C12orf42: variants seen among roughly 807,000 people sequenced by gnomAD.
C12orf42 encodes chromosome 12 open reading frame 42.
Under a neutral mutation model 21.6 loss-of-function variants are expected in C12orf42, and 25 were observed. That is an observed-to-expected ratio of 1.16 (90% confidence interval 0.84 to 1.62). The LOEUF is 1.62. C12orf42 is among the 40% of genes most tolerant of loss of function. C12orf42 has a pLI of 0.00. For synonymous variants in C12orf42, 174 were observed against 175.0 expected (o/e 0.99, Z 0.05); for missense variants, 483 against 459.3 (o/e 1.05, Z -0.47).
chr12:103,284,502 G>A (rs2136326171), intron 4 of C12orf42, among the ~76,000 whole-genome samples: 1 of 152,282 alleles, frequency 6.6e-6, no homozygotes, highest in Admixed American at 6.5e-5. Context: ...TCATCAGAGA[G>A]TCACTAGGGC....
the C12orf42 span, among the ~76,000 whole-genome samples, chr12:103,204,097 G>A: frequency 1.2e-4 from 18 of 152,170 alleles, no homozygotes; most frequent in African/African-American, 3.4e-4. Context: ...TTAAATTTGC[G>A]CCTACATTCT....
the C12orf42 span, among the ~76,000 whole-genome samples, chr12:103,506,547 C>G: frequency 1.3e-5 from 2 of 151,278 alleles, no homozygotes; most frequent in African/African-American, 4.9e-5. Flanking sequence ...GTTACAATTG[C>G]CTATAGTATT....
the C12orf42 span, among the ~76,000 whole-genome samples, chr12:103,064,537 T>C: frequency 6.6e-6 from 1 of 152,230 alleles, no homozygotes; most frequent in South Asian, 2.1e-4. Flanking sequence ...GACAAAAGAC[T>C]AATTTGAATT....
chr12:103,262,313 T>C (rs1474579965), intron 10 of C12orf42: 1 of 152,224 alleles, frequency 6.6e-6, no homozygotes, highest in Admixed American at 6.5e-5. Context: ...TAAATTATGA[T>C]ACACCTCTAT....
At chr12:103,433,557 G>C (rs1296492923) in intron 2 of C12orf42, among the ~76,000 whole-genome samples, 1 of 152,186 alleles carries the variant, frequency 6.6e-6, no homozygotes, top group African/African-American at 2.4e-5. Flanking sequence ...CTACCCATTT[G>C]TAAAATGACA....
chr12:103,281,968 C>T (rs1017351742), intron 4 of C12orf42, among the ~76,000 whole-genome samples: 4 of 121,306 alleles, frequency 3.3e-5, no homozygotes, highest in Non-Finnish European at 7.2e-5. Context: ...AGAAAGAGAT[C>T]GATCCTAAAA....
intron 2 of C12orf42, among the ~76,000 whole-genome samples, chr12:103,423,284 G>T (rs1435495866): frequency 6.6e-6 from 1 of 152,182 alleles, no homozygotes. Flanking sequence ...GGTCTGGCCT[G>T]CCTGAATGCT....
At position 103,491,513 on chromosome 12, in the gene C12orf42, A is replaced by T. The variant is rs910344198; in HGVS notation, c.-22+4389T>A. ...GCCTTATATCTAATGGACCAAATTT[A>T]GCAGGAATTAGGTAATAAGGTTCCA... On this transcript the variant is annotated intron_variant, in intron 1 of 5. Transcript: ENST00000548883. Among the ~76,000 whole-genome samples the T allele has an allele frequency of 3.9e-5, 6 of 152,206 alleles. No homozygotes were observed. The East Asian group carries it at 1.2e-3, about 29-fold the overall frequency.
intron 10 of C12orf42, among the ~76,000 whole-genome samples, chr12:103,256,762 G>A (rs1334809299): frequency 6.6e-6 from 1 of 151,968 alleles, no homozygotes; most frequent in Non-Finnish European, 1.5e-5. Context: ...AACAAGTTGG[G>A]GAAAACAGAG....
In C12orf42 at chr12:103,302,386, A is replaced by G. The variant is rs2037771762; in HGVS notation, c.805T>C (p.Ser269Pro). The G allele has an allele frequency of 1.2e-6, 2 of 1,613,870 alleles. No individual in the cohort carries two copies. ...GCGCCTTTTCCGACGGGATTTCCGG[A>G]CGCGCCCAGGAGTCTGCTTTGGATG... ...DDIQSRLLGA[S>P]GNPVGKGAVA... The change falls in exon 6 of 6, where the codon TCC (serine) becomes CCC (proline). Residue 269 changes from serine (S) to proline (P), a missense_variant. Ser to Pro is a moderately conservative substitution (Grantham distance 74). Transcript: ENST00000548883.
At chr12:103,463,385 T>G (rs1034503134) in intron 2 of C12orf42, among the ~76,000 whole-genome samples, 1 of 152,190 alleles carries the variant, frequency 6.6e-6, no homozygotes, top group African/African-American at 2.4e-5. Context: ...TGGGGTAGAA[T>G]AGAGTAGACT....
the C12orf42 span, among the ~76,000 whole-genome samples, chr12:103,104,713 G>A: frequency 1.5e-4 from 23 of 152,312 alleles, no homozygotes; most frequent in Admixed American, 3.9e-4. Flanking sequence ...CATTACAGGC[G>A]TGAGCCACCG....
At chr12:103,121,662 A>G in the C12orf42 span, among the ~76,000 whole-genome samples, 1 of 152,224 alleles carries the variant, frequency 6.6e-6, no homozygotes, top group Non-Finnish European at 1.5e-5. Flanking sequence ...TCCTCCACTC[A>G]TTCACTTTCA....
chr12:103,354,436 G>A (rs2043351781), intron 4 of C12orf42, among the ~76,000 whole-genome samples: 1 of 152,078 alleles, frequency 6.6e-6, no homozygotes, highest in Non-Finnish European at 1.5e-5. Context: ...CAGAAGCTGG[G>A]AGACCTCCAA....
chr12:103,499,982 C>G (rs892910638), upstream of C12orf42, among the ~76,000 whole-genome samples: 1 of 152,294 alleles, frequency 6.6e-6, no homozygotes, highest in African/African-American at 2.4e-5. Flanking sequence ...AAAACAGAAT[C>G]CTTAATATAC....
At chr12:103,080,382 C>T in the C12orf42 span, among the ~76,000 whole-genome samples, 1 of 152,192 alleles carries the variant, frequency 6.6e-6, no homozygotes, top group Admixed American at 6.5e-5. Context: ...TCCCCAACAT[C>T]TTTTCAACTA....
chr12:103,225,238 G>A, the C12orf42 span, among the ~76,000 whole-genome samples: 1 of 152,170 alleles, frequency 6.6e-6, no homozygotes. Flanking sequence ...ACCACAGGGT[G>A]GATAGGCAAA....
chr12:103,093,380 G>T, the C12orf42 span, among the ~76,000 whole-genome samples: 1 of 152,142 alleles, frequency 6.6e-6, no homozygotes, highest in Admixed American at 6.5e-5. Flanking sequence ...TACAATGACT[G>T]CCATCCAGAT....
chr12:103,555,914 T>A, the C12orf42 span, among the ~76,000 whole-genome samples: 1 of 151,926 alleles, frequency 6.6e-6, no homozygotes, highest in Non-Finnish European at 1.5e-5. Flanking sequence ...TCACCTGTCC[T>A]GTGTGCAGGA....
Sources: gnomAD v4.1 joint callset for allele counts (sites outside exome capture counted in the v4.1 genomes callset) on GRCh38, gnomAD v4.1.1 for gene constraint, MANE v1.5 for transcripts, NCBI Gene and HGNC (gene_info 2026-07-23, HGNC 2026-07-21) for gene names.